ADRA1A: variants seen among roughly 807,000 people sequenced by gnomAD.
ADRA1A encodes the protein adrenoceptor alpha 1A.
In ADRA1A, 31 loss-of-function variants were observed where a neutral mutation model predicts 29.6. That is an observed-to-expected ratio of 1.05 (90% CI 0.79 to 1.41). ADRA1A has a LOEUF of 1.41. Ranked by LOEUF, ADRA1A falls within the 40% of genes most tolerant of loss-of-function variation. ADRA1A has a pLI of 0.00. For synonymous variants in ADRA1A, 311 were observed against 254.3 expected (o/e 1.22, Z -2.12); for missense variants, 619 against 601.1 (o/e 1.03, Z -0.31).
At chr8:26,756,920 G>T in intron 2 of ADRA1A, 1 of 1,322,630 alleles carries the variant, frequency 7.6e-7, no homozygotes. Flanking sequence ...ATTTTTCCAA[G>T]TTCAGACTTC....
At chr8:26,781,991 A>G (rs962875938) in intron 2 of ADRA1A, among the ~76,000 whole-genome samples, 14 of 152,344 alleles carry the variant, frequency 9.2e-5, no homozygotes, top group African/African-American at 2.9e-4. Flanking sequence ...ACTGCTGCAA[A>G]GATGCTTAAT....
At chr8:26,774,687 A>G (rs577262598) in intron 2 of ADRA1A, among the ~76,000 whole-genome samples, 7 of 151,086 alleles carry the variant, frequency 4.6e-5, no homozygotes, top group Admixed American at 1.3e-4. Context: ...AAAAAAGGAC[A>G]GCAAAAGAAC....
intron 2 of ADRA1A, among the ~76,000 whole-genome samples, chr8:26,826,987 A>G (rs1163034325): frequency 1.3e-5 from 2 of 152,226 alleles, no homozygotes; most frequent in Non-Finnish European, 2.9e-5. Context: ...ACAGCTATGT[A>G]TGATTGTGCC....
At chr8:26,779,359 C>T in intron 2 of ADRA1A, 2 of 702,942 alleles carry the variant, frequency 2.8e-6, no homozygotes, top group South Asian at 1.5e-5. Flanking sequence ...AACCCCAGCA[C>T]TGCTGCATGG....
downstream of ADRA1A, chr8:26,756,298 T>C: frequency 3.8e-6 from 2 of 526,684 alleles, no homozygotes; most frequent in Non-Finnish European, 5.9e-6. Flanking sequence ...ACAGTATACT[T>C]GATGAATACA....
chr8:26,827,422 T>A lies in ADRA1A; in HGVS notation c.883+36665A>T, dbSNP rs561115546. 2.6e-5 allele frequency among the ~76,000 whole-genome samples: 4 copies of A among 152,316 alleles called. No homozygotes were observed. In the South Asian group the frequency reaches 8.3e-4, roughly 32 times the overall value. ...GTCTGTTTGGGCTGCTATAACAAGA[T>A]GTCCTAAACTAGCTGGCATATAAAA... is the stretch of plus-strand genomic sequence containing the variant. On this transcript the variant is annotated intron_variant, in intron 2 of 2. Transcript: ENST00000380573.
At chr8:26,812,954 C>T (rs553053026) in intron 2 of ADRA1A, among the ~76,000 whole-genome samples, 1 of 151,582 alleles carries the variant, frequency 6.6e-6, no homozygotes, top group African/African-American at 2.4e-5. Flanking sequence ...GCTTGAGCTA[C>T]CACGCCCGGC....
chr8:26,768,610 A>C (rs147330279), downstream of ADRA1A, among the ~76,000 whole-genome samples: 338 of 152,322 alleles, frequency 2.2e-3, 1 homozygote, highest in African/African-American at 7.8e-3. Context: ...AAAAACAGTC[A>C]ATTAAAAATA....
downstream of ADRA1A, among the ~76,000 whole-genome samples, chr8:26,754,932 C>G (rs923239671): frequency 9.9e-5 from 15 of 152,144 alleles, no homozygotes; most frequent in Non-Finnish European, 1.5e-4. Context: ...TGAAAGCCAG[C>G]CTTTGGGGAT....
chr8:26,752,513 T>C (rs1332993400), downstream of ADRA1A, among the ~76,000 whole-genome samples: 2 of 152,244 alleles, frequency 1.3e-5, no homozygotes, highest in African/African-American at 4.8e-5. Context: ...CATTTACCTA[T>C]GCAAGCTTCA....
At chr8:26,757,359 C>T (rs1423146850) in intron 2 of ADRA1A, among the ~76,000 whole-genome samples, 1 of 152,114 alleles carries the variant, frequency 6.6e-6, no homozygotes, top group Non-Finnish European at 1.5e-5. Context: ...TGTGAAGCCA[C>T]CTGCCTAGAA....
chr8:26,856,992 T>A (rs1813096886), intron 2 of ADRA1A, among the ~76,000 whole-genome samples: 1 of 152,200 alleles, frequency 6.6e-6, no homozygotes, highest in Non-Finnish European at 1.5e-5. Context: ...GATCTGCCCC[T>A]CTGTGTACAC....
chr8:26,807,834 A>G (rs1026985129), intron 2 of ADRA1A, among the ~76,000 whole-genome samples: 1 of 152,094 alleles, frequency 6.6e-6, no homozygotes. Context: ...CATCCACCTT[A>G]TCTCCTCACC....
At chr8:26,760,818 A>G (rs1410847967) in intron 2 of ADRA1A, among the ~76,000 whole-genome samples, 1 of 152,148 alleles carries the variant, frequency 6.6e-6, no homozygotes, top group Non-Finnish European at 1.5e-5. Context: ...CCCACTGCTG[A>G]CCTGGGGTTC....
At chr8:26,773,225 A>G (rs1806306073) in intron 2 of ADRA1A, among the ~76,000 whole-genome samples, 1 of 152,204 alleles carries the variant, frequency 6.6e-6, no homozygotes, top group Non-Finnish European at 1.5e-5. Flanking sequence ...ATATACTGCA[A>G]TAATACATCT....
intron 2 of ADRA1A, among the ~76,000 whole-genome samples, chr8:26,759,453 C>G (rs909626774): frequency 2.6e-5 from 4 of 152,140 alleles, no homozygotes; most frequent in African/African-American, 9.7e-5. Context: ...CTTCAAAATA[C>G]TTCACAGAAG....
intron 2 of ADRA1A, among the ~76,000 whole-genome samples, chr8:26,792,400 A>G (rs1807899956): frequency 6.6e-6 from 1 of 152,256 alleles, no homozygotes; most frequent in African/African-American, 2.4e-5. Flanking sequence ...TATCCTTGCC[A>G]GGTAAGAAAA....
chr8:26,863,172 G>T (rs540237505), intron 2 of ADRA1A, among the ~76,000 whole-genome samples: 1 of 152,270 alleles, frequency 6.6e-6, no homozygotes, highest in Non-Finnish European at 1.5e-5. Flanking sequence ...ATCGATGTTT[G>T]GGTCTGTATT....
intron 2 of ADRA1A, among the ~76,000 whole-genome samples, chr8:26,795,204 C>CAATAA (rs1808110552): frequency 6.6e-6 from 1 of 151,906 alleles, no homozygotes; most frequent in Non-Finnish European, 1.5e-5. Context: ...GGTCAGGTGG[C>CAATAA]CACAAGAGAC....
Sources: allele counts gnomAD v4.1 joint callset (sites outside exome capture counted in the v4.1 genomes callset), GRCh38; gene constraint gnomAD v4.1.1; transcripts MANE v1.5; gene names NCBI Gene and HGNC (gene_info 2026-07-23, HGNC 2026-07-21).